The following GRM7 variants were observed in gnomAD, a reference collection of about 807,000 sequenced individuals.
GRM7 encodes the protein glutamate metabotropic receptor 7.
In GRM7, 35 loss-of-function variants were observed where a neutral mutation model predicts 84.5. The observed-to-expected ratio is 0.41, with a 90% confidence interval of 0.32 to 0.55. GRM7 has a LOEUF of 0.55. GRM7 is among the 20% of genes least tolerant of loss of function. The pLI is 0.19. For synonymous variants in GRM7, 487 were observed against 455.1 expected, an observed-to-expected ratio of 1.07 and a Z score of -0.89; for missense variants, 1,003 against 1,194.6, an observed-to-expected ratio of 0.84 and a Z score of 2.36.
At chr3:6,986,956 G>A (rs1397994787) in intron 1 of GRM7, among the ~76,000 whole-genome samples, 1 of 152,184 alleles carries the variant, frequency 6.6e-6, no homozygotes, top group East Asian at 1.9e-4. Context: ...AGGAAGGAAG[G>A]AAGAAATGAT....
At chr3:7,533,616 C>G (rs1462121762) in intron 7 of GRM7, among the ~76,000 whole-genome samples, 1 of 152,150 alleles carries the variant, frequency 6.6e-6, no homozygotes. Flanking sequence ...CAAAAGGGCT[C>G]TGGCAATCCA....
At chr3:7,338,340 T>TG (rs1197910381) in intron 4 of GRM7, among the ~76,000 whole-genome samples, 1 of 151,762 alleles carries the variant, frequency 6.6e-6, no homozygotes, top group Non-Finnish European at 1.5e-5. Flanking sequence ...TCTGGGGACT[T>TG]GGGGGGAAGT....
chr3:7,475,991 T>A (rs1209893674), intron 7 of GRM7, among the ~76,000 whole-genome samples: 3 of 152,216 alleles, frequency 2.0e-5, no homozygotes, highest in Non-Finnish European at 4.4e-5. Flanking sequence ...GCCTACATTT[T>A]ATTTTCTGAA....
chr3:7,336,390 C>T (rs915583919), intron 4 of GRM7, among the ~76,000 whole-genome samples: 2 of 151,818 alleles, frequency 1.3e-5, no homozygotes, highest in Non-Finnish European at 2.9e-5. Context: ...AAGGGACATA[C>T]CTTAAGGTAA....
At chr3:7,431,239 A>G (rs1268862895) in intron 5 of GRM7, among the ~76,000 whole-genome samples, 1 of 152,204 alleles carries the variant, frequency 6.6e-6, no homozygotes, top group Non-Finnish European at 1.5e-5. Flanking sequence ...TAAAAAAAGA[A>G]TGGATTGTTG....
chr3:7,076,538 A>T (rs1698086921), intron 1 of GRM7, among the ~76,000 whole-genome samples: 2 of 152,084 alleles, frequency 1.3e-5, no homozygotes, highest in Non-Finnish European at 2.9e-5. Context: ...CAGTTTCCTA[A>T]GGCCTCCTAG....
In GRM7 at chr3:7,242,135, A is replaced by C. The variant is rs148714065; in HGVS notation, c.737-56549A>C. On this transcript the variant is annotated intron_variant, in intron 2 of 9. Transcript: ENST00000357716. ...TTTTATCTGATTCCCTGCAGGATAT[A>C]TCTAGGCATCAGGACAAGATTAAAC... Among the ~76,000 whole-genome samples the C allele has an allele frequency of 3.8e-3, 577 of 152,292 alleles. 1 individual carries two copies. The highest frequency in any genetic ancestry group is 0.013 in the African/African-American group (550 of 41,570).
intron 8 of GRM7, among the ~76,000 whole-genome samples, chr3:7,673,343 A>C (rs530732449): frequency 6.6e-6 from 1 of 152,228 alleles, no homozygotes; most frequent in African/African-American, 2.4e-5. Context: ...CCAGAATTTC[A>C]TAAGTGCATA....
At chr3:6,887,679 T>C (rs190963866) in intron 1 of GRM7, among the ~76,000 whole-genome samples, 157 of 152,276 alleles carry the variant, frequency 1.0e-3, no homozygotes, top group African/African-American at 3.1e-3. Context: ...TGAAGAGTGC[T>C]GCAATAAACA....
At chr3:7,567,751 A>G in intron 7 of GRM7, among the ~76,000 whole-genome samples, 1 of 56,750 alleles carries the variant, frequency 1.8e-5, no homozygotes, top group South Asian at 4.8e-4. Context: ...CCATCTCAAA[A>G]AAAAAAAAAA....
chr3:7,263,910 C>T (rs960549046), intron 2 of GRM7, among the ~76,000 whole-genome samples: 1 of 152,072 alleles, frequency 6.6e-6, no homozygotes, highest in Admixed American at 6.5e-5. Flanking sequence ...TGCATACACA[C>T]GTGCCAGCAA....
intron 2 of GRM7, among the ~76,000 whole-genome samples, chr3:7,178,237 T>A (rs1695218522): frequency 6.6e-6 from 1 of 152,206 alleles, no homozygotes; most frequent in African/African-American, 2.4e-5. Context: ...AAGTAACATC[T>A]CCAATATATT....
chr3:7,378,071 T>C (rs552178122), intron 4 of GRM7, among the ~76,000 whole-genome samples: 1 of 152,280 alleles, frequency 6.6e-6, no homozygotes, highest in South Asian at 2.1e-4. Context: ...CTGACTCTAA[T>C]CTCATTTCTA....
intron 7 of GRM7, chr3:7,560,250 C>G (rs1425879996): frequency 6.6e-6 from 1 of 151,980 alleles, no homozygotes; most frequent in Non-Finnish European, 1.5e-5. Context: ...ATGTATCTGT[C>G]TACATACAAA....
At chr3:7,085,659 G>C (rs945972580) in intron 1 of GRM7, among the ~76,000 whole-genome samples, 32 of 152,102 alleles carry the variant, frequency 2.1e-4, no homozygotes, top group African/African-American at 7.5e-4. Flanking sequence ...CAAAAGTTAA[G>C]AAGGAGTTGA....
intron 2 of GRM7, among the ~76,000 whole-genome samples, chr3:7,270,862 C>A (rs559662774): frequency 6.6e-6 from 1 of 152,168 alleles, no homozygotes; most frequent in African/African-American, 2.4e-5. Flanking sequence ...ATACCAGAAT[C>A]GGGCTGAATA....
At chr3:7,651,217 T>G (rs1698921749) in intron 8 of GRM7, among the ~76,000 whole-genome samples, 1 of 151,938 alleles carries the variant, frequency 6.6e-6, no homozygotes, top group African/African-American at 2.4e-5. Flanking sequence ...GACCTTATCC[T>G]GGAAAAGAAT....
At chr3:6,930,241 C>T (rs543126648) in intron 1 of GRM7, among the ~76,000 whole-genome samples, 3 of 152,106 alleles carry the variant, frequency 2.0e-5, no homozygotes. Flanking sequence ...AAAAGCCAAG[C>T]ATAGTACTGA....
chr3:7,434,024 T>G (rs568782095), intron 5 of GRM7, among the ~76,000 whole-genome samples: 93 of 151,370 alleles, frequency 6.1e-4, no homozygotes, highest in African/African-American at 2.2e-3. Flanking sequence ...TCTTATTTCA[T>G]TATATAGATT....
Sources: allele counts gnomAD v4.1 joint callset (sites outside exome capture counted in the v4.1 genomes callset), GRCh38; gene constraint gnomAD v4.1.1; transcripts MANE v1.5; gene names NCBI Gene and HGNC (gene_info 2026-07-23, HGNC 2026-07-21).